The following PTPRD variants were observed in gnomAD, a reference collection of about 807,000 sequenced individuals.
PTPRD encodes protein tyrosine phosphatase receptor type D.
In PTPRD, 34 loss-of-function variants were observed where a neutral mutation model predicts 214.5. The ratio of observed to expected loss-of-function variants is 0.16; its 90% CI spans 0.12 to 0.21. PTPRD has a LOEUF of 0.21. PTPRD is among the 10% of genes least tolerant of loss of function. The pLI is 1.00. For synonymous variants in PTPRD, 1,128 were observed against 845.7 expected (o/e 1.33, Z -5.79); for missense variants, 2,545 against 2,398.7 (o/e 1.06, Z -1.27).
intron 7 of PTPRD, among the ~76,000 whole-genome samples, chr9:9,727,261 G>A (rs1173818637): frequency 6.6e-6 from 1 of 151,954 alleles, no homozygotes; most frequent in Non-Finnish European, 1.5e-5. Flanking sequence ...ACCAGCTTGG[G>A]CAACATACTG....
chr9:10,400,762 G>A (rs1289298960), intron 2 of PTPRD, among the ~76,000 whole-genome samples: 2 of 151,338 alleles, frequency 1.3e-5, no homozygotes, highest in Non-Finnish European at 3.0e-5. Context: ...AGTTTTTACT[G>A]ATATTATATT....
chr9:8,574,147 T>G (rs1182416321), intron 14 of PTPRD, among the ~76,000 whole-genome samples: 1 of 151,932 alleles, frequency 6.6e-6, no homozygotes, highest in African/African-American at 2.4e-5. Flanking sequence ...CATTCACAAT[T>G]TAGTCTTTCA....
intron 7 of PTPRD, among the ~76,000 whole-genome samples, chr9:9,673,546 A>T (rs1170717982): frequency 6.6e-6 from 1 of 151,810 alleles, no homozygotes; most frequent in Non-Finnish European, 1.5e-5. Context: ...AAATTACCCA[A>T]AAAGAAAAGA....
At chr9:8,726,614 T>A (rs868692527) in intron 12 of PTPRD, among the ~76,000 whole-genome samples, 129 of 3,668 alleles carry the variant, frequency 0.035, 35 homozygotes, top group African/African-American at 0.061. Flanking sequence ...TATATATATA[T>A]ATATATATAT....
At chr9:9,517,656 G>C (rs576960499) in intron 8 of PTPRD, among the ~76,000 whole-genome samples, 2 of 151,960 alleles carry the variant, frequency 1.3e-5, no homozygotes, top group African/African-American at 2.4e-5. Flanking sequence ...TAACAAATGA[G>C]GTCATATTGA....
chr9:9,770,107 C>A (rs2098740173), intron 5 of PTPRD, among the ~76,000 whole-genome samples: 1 of 152,142 alleles, frequency 6.6e-6, no homozygotes, highest in Admixed American at 6.5e-5. Context: ...AATTTATAAT[C>A]CTTGGAGTAT....
intron 6 of PTPRD, among the ~76,000 whole-genome samples, chr9:9,750,565 A>G (rs952542752): frequency 3.3e-5 from 5 of 152,134 alleles, no homozygotes; most frequent in Admixed American, 2.0e-4. Flanking sequence ...GGTGAGCCCA[A>G]CAGATTCACA....
chr9:10,163,032 G>A (rs374912227), intron 3 of PTPRD, among the ~76,000 whole-genome samples: 1 of 150,576 alleles, frequency 6.6e-6, no homozygotes, highest in East Asian at 1.9e-4. Flanking sequence ...TCTATATAGA[G>A]AGAAAGAGAA....
At chr9:10,454,057 A>G (rs2098881606) in intron 2 of PTPRD, among the ~76,000 whole-genome samples, 1 of 151,610 alleles carries the variant, frequency 6.6e-6, no homozygotes, top group South Asian at 2.1e-4. Flanking sequence ...TCCACCAGTT[A>G]TTAATGCCCT....
chr9:10,370,012 G>T (rs532930102), intron 2 of PTPRD, among the ~76,000 whole-genome samples: 1 of 151,894 alleles, frequency 6.6e-6, no homozygotes, highest in Non-Finnish European at 1.5e-5. Flanking sequence ...TTATGATGCA[G>T]GCACTATTAT....
chr9:8,335,331 G>C (rs1209079481), intron 43 of PTPRD, among the ~76,000 whole-genome samples: 3 of 152,004 alleles, frequency 2.0e-5, no homozygotes, highest in East Asian at 3.9e-4. Context: ...TGCAAGGCTT[G>C]TTCAACATAC....
chr9:8,428,342 T>C (rs1011153474), intron 35 of PTPRD, among the ~76,000 whole-genome samples: 2 of 152,198 alleles, frequency 1.3e-5, no homozygotes, highest in Non-Finnish European at 2.9e-5. Context: ...AATTTAGCCA[T>C]TCATCTTCCT....
intron 8 of PTPRD, among the ~76,000 whole-genome samples, chr9:9,513,063 G>A (rs2096747547): frequency 6.6e-6 from 1 of 151,762 alleles, no homozygotes. Context: ...TGTAATTAGT[G>A]ATCTCATAAA....
At chr9:9,642,814 C>A (rs2096011266) in intron 7 of PTPRD, among the ~76,000 whole-genome samples, 1 of 152,100 alleles carries the variant, frequency 6.6e-6, no homozygotes. Flanking sequence ...TTATTATTTC[C>A]ATTTTTCATA....
chr9:8,683,972 A>C (rs182798487), intron 12 of PTPRD, among the ~76,000 whole-genome samples: 1 of 152,300 alleles, frequency 6.6e-6, no homozygotes, highest in East Asian at 1.9e-4. Flanking sequence ...CCAGCAGCGA[A>C]TGTTCAAGAG....
intron 27 of PTPRD, among the ~76,000 whole-genome samples, chr9:8,488,650 A>G (rs536242192): frequency 3.5e-4 from 54 of 152,214 alleles, no homozygotes; most frequent in Non-Finnish European, 1.2e-4. Context: ...TGCTTTTAAT[A>G]TATTTACAAT....
chr9:9,576,326 A>T (rs2088776838), intron 7 of PTPRD, among the ~76,000 whole-genome samples: 1 of 152,178 alleles, frequency 6.6e-6, no homozygotes, highest in Non-Finnish European at 1.5e-5. Flanking sequence ...TTTTGATGAA[A>T]TGTTAGAGGA....
chr9:9,432,035 T>C (rs938677871), intron 8 of PTPRD, among the ~76,000 whole-genome samples: 4 of 139,512 alleles, frequency 2.9e-5, no homozygotes, highest in Non-Finnish European at 6.1e-5. Flanking sequence ...ACATGTACCC[T>C]AGAACTTAAA....
intron 2 of PTPRD, among the ~76,000 whole-genome samples, chr9:10,408,526 T>G (rs1361805329): frequency 2.0e-5 from 3 of 151,664 alleles, no homozygotes; most frequent in Admixed American, 6.6e-5. Context: ...AAAGCTGGTA[T>G]TTTTTAGGCT....
Sources: gnomAD v4.1 joint callset for allele counts (sites outside exome capture counted in the v4.1 genomes callset) on GRCh38, gnomAD v4.1.1 for gene constraint, MANE v1.5 for transcripts, NCBI Gene and HGNC (gene_info 2026-07-23, HGNC 2026-07-21) for gene names.